Variants in TMEM272 observed in about 807,000 individuals in gnomAD.
TMEM272 encodes long intergenic non-protein coding RNA 282.
A neutral mutation model predicts 3.7 loss-of-function variants in TMEM272; 8 were observed. The observed-to-expected ratio is 2.17, with a 90% CI of 1.27 to 3.91. The LOEUF (loss-of-function observed/expected upper bound fraction) is 3.91. Among genes scored for constraint, TMEM272 ranks in the 30% most tolerant of loss-of-function variants. The pLI is 0.00. For missense variants in TMEM272, 166 were observed against 91.5 expected (o/e 1.81, Z -3.32); for synonymous variants, 63 against 39.8 (o/e 1.58, Z -2.20).
At chr13:51,861,525 A>T in the TMEM272 span, among the ~76,000 whole-genome samples, 6 of 152,192 alleles carry the variant, frequency 3.9e-5, no homozygotes, top group Admixed American at 3.9e-4. Context: ...TGAACTTGTA[A>T]ACAGGTTAAT....
intron 3 of TMEM272, 51 bp downstream of exon 3, chr13:51,826,515 T>C (rs1956126707): frequency 4.3e-6 from 3 of 702,086 alleles, no homozygotes; most frequent in East Asian, 5.4e-5. Flanking sequence ...CTTGGGTCCA[T>C]GCCCCAACCT....
chr13:51,821,774 G>C (rs898176720), intron 4 of TMEM272, among the ~76,000 whole-genome samples: 1 of 149,858 alleles, frequency 6.7e-6, no homozygotes, highest in African/African-American at 2.5e-5. Flanking sequence ...CTGGCAGTCA[G>C]GGACTCCTCT....
the TMEM272 span, among the ~76,000 whole-genome samples, chr13:51,864,497 G>T: frequency 6.6e-6 from 1 of 152,198 alleles, no homozygotes; most frequent in South Asian, 2.1e-4. Context: ...CCCTGATCCT[G>T]CTTCTCTCTT....
At chr13:51,933,746 C>G in the TMEM272 span, 1 of 152,210 alleles carries the variant, frequency 6.6e-6, no homozygotes, top group Non-Finnish European at 1.5e-5. Flanking sequence ...CTCTACTGAA[C>G]CCCACGAGGT....
intron 2 of TMEM272, among the ~76,000 whole-genome samples, chr13:51,836,640 T>G (rs1275843543): frequency 6.6e-6 from 1 of 152,200 alleles, no homozygotes; most frequent in Non-Finnish European, 1.5e-5. Flanking sequence ...TTCTCCACTG[T>G]ATGATTACTA....
intron 1 of TMEM272, among the ~76,000 whole-genome samples, chr13:51,839,789 G>A (rs998270771): frequency 1.3e-5 from 2 of 152,224 alleles, no homozygotes; most frequent in African/African-American, 4.8e-5. Flanking sequence ...GCATGGGCCT[G>A]CAGGCAGGAG....
chr13:51,865,771 G>T, the TMEM272 span: 79 of 1,614,050 alleles, frequency 4.9e-5, no homozygotes, highest in Non-Finnish European at 6.5e-5. Flanking sequence ...TCTGGAAGGA[G>T]GATAAGGCCT....
At chr13:51,868,682 G>A in the TMEM272 span, among the ~76,000 whole-genome samples, 13 of 152,234 alleles carry the variant, frequency 8.5e-5, no homozygotes, top group African/African-American at 3.1e-4. Context: ...GTAAGACAAA[G>A]CACAGGCAAA....
intron 3 of TMEM272, among the ~76,000 whole-genome samples, chr13:51,826,144 A>AAAAG (rs2139561774): frequency 6.7e-6 from 1 of 148,878 alleles, no homozygotes; most frequent in East Asian, 1.9e-4. Context: ...TCAGCAAAAA[A>AAAAG]AAAAAAAAAA....
the TMEM272 span, among the ~76,000 whole-genome samples, chr13:51,850,502 G>A: frequency 6.6e-6 from 1 of 152,116 alleles, no homozygotes; most frequent in Non-Finnish European, 1.5e-5. Context: ...AGTAAGCCCT[G>A]AGTCTTTTAT....
At chr13:51,829,102 G>T (rs2139566666) in intron 2 of TMEM272, among the ~76,000 whole-genome samples, 1 of 152,202 alleles carries the variant, frequency 6.6e-6, no homozygotes, top group Non-Finnish European at 1.5e-5. Context: ...TTTGTACAAT[G>T]TTTCCAATGT....
At chr13:51,839,402 CCCA>C (rs1300141065) in intron 1 of TMEM272, among the ~76,000 whole-genome samples, 5 of 152,180 alleles carry the variant, frequency 3.3e-5, no homozygotes, top group Non-Finnish European at 7.3e-5. Context: ...TCCACCACTT[CCCA>C]CCACGTCATT....
At chr13:51,825,312 G>A (rs548873386) in intron 3 of TMEM272, among the ~76,000 whole-genome samples, 1 of 152,286 alleles carries the variant, frequency 6.6e-6, no homozygotes, top group African/African-American at 2.4e-5. Context: ...TAAGGATACT[G>A]TTTTTGTTTC....
chr13:51,908,331 G>A, the TMEM272 span: 9 of 1,419,368 alleles, frequency 6.3e-6, no homozygotes, highest in Non-Finnish European at 8.9e-6. Context: ...GCAAAATCCA[G>A]GTCTTGGGGG....
At chr13:51,865,461 C>T in the TMEM272 span, 2 of 1,614,156 alleles carry the variant, frequency 1.2e-6, no homozygotes, top group Non-Finnish European at 1.7e-6. Flanking sequence ...TGCTTCCGGT[C>T]CCTGGCGGCA....
At chr13:51,875,515 G>T in the TMEM272 span, among the ~76,000 whole-genome samples, 1 of 152,166 alleles carries the variant, frequency 6.6e-6, no homozygotes, top group Admixed American at 6.5e-5. Flanking sequence ...TTGATGCCAA[G>T]GCCTTTACCA....
the TMEM272 span, chr13:51,908,119 T>G: frequency 2.5e-5 from 12 of 487,170 alleles, no homozygotes; most frequent in Non-Finnish European, 4.3e-5. Flanking sequence ...ATTGTTTCAA[T>G]TTGAGCAAAA....
the TMEM272 span, among the ~76,000 whole-genome samples, chr13:51,852,981 A>C: frequency 1.3e-5 from 2 of 152,164 alleles, no homozygotes; most frequent in Non-Finnish European, 2.9e-5. Context: ...TCAACTCCCC[A>C]AAAACTTAGC....
the TMEM272 span, among the ~76,000 whole-genome samples, chr13:51,851,257 C>G: frequency 6.6e-6 from 1 of 151,812 alleles, no homozygotes; most frequent in African/African-American, 2.4e-5. Context: ...TCACTTGAGC[C>G]TGAGATGTGG....
Sources: allele counts gnomAD v4.1 joint callset (sites outside exome capture counted in the v4.1 genomes callset), GRCh38; gene constraint gnomAD v4.1.1; transcripts MANE v1.5; gene names NCBI Gene and HGNC (gene_info 2026-07-23, HGNC 2026-07-21).